CRACD: variants seen among roughly 807,000 people sequenced by gnomAD.
CRACD encodes capping protein inhibiting regulator of actin dynamics.
CRACD carries 56 observed loss-of-function variants against 106.8 expected under a neutral mutation model. The observed-to-expected ratio is 0.52, with a 90% CI of 0.42 to 0.66. CRACD has a LOEUF of 0.66. Among genes scored for constraint, CRACD ranks in the 30% least tolerant of loss-of-function variants. The probability of loss-of-function intolerance (pLI) is 0.00; values close to 1 mark genes in which losing one functional copy is unlikely to be tolerated. For synonymous variants in CRACD, 754 were observed against 670.8 expected (o/e 1.12, Z -1.92); for missense variants, 1,730 against 1,623.2 (o/e 1.07, Z -1.13).
chr4:56,166,965 C>T (rs1437201047), intron 1 of CRACD, among the ~76,000 whole-genome samples: 1 of 152,132 alleles, frequency 6.6e-6, no homozygotes, highest in Non-Finnish European at 1.5e-5. Context: ...CTGAAATCTG[C>T]TCATCTGACA....
At chr4:56,119,679 A>G (rs1734418619) in intron 1 of CRACD, among the ~76,000 whole-genome samples, 1 of 152,048 alleles carries the variant, frequency 6.6e-6, no homozygotes, top group Non-Finnish European at 1.5e-5. Flanking sequence ...TAGTTTTACA[A>G]TTTTAATCCT....
At chr4:56,229,791 G>A (rs1396604531) in intron 2 of CRACD, among the ~76,000 whole-genome samples, 1 of 152,172 alleles carries the variant, frequency 6.6e-6, no homozygotes, top group African/African-American at 2.4e-5. Context: ...CCAGGGATAA[G>A]GTGTATAGCA....
chr4:56,067,169 A>G (rs552321237), intron 1 of CRACD, among the ~76,000 whole-genome samples: 42 of 152,226 alleles, frequency 2.8e-4, no homozygotes, highest in South Asian at 8.3e-4. Flanking sequence ...AATATTAGGA[A>G]TAGAAAATGG....
Position 56,314,963 on chromosome 4 carries a change from C to CA in CRACD, c.1462dup (p.Thr488AsnfsTer27). The CA allele has an allele frequency of 6.3e-7, 1 of 1,589,720 alleles. No individual in the cohort carries two copies. The highest frequency in any genetic ancestry group is 8.6e-7 in the Non-Finnish European group (1 of 1,169,530). On this transcript the variant is annotated frameshift_variant, in exon 8 of 11. Coordinates refer to ENST00000682029, the MANE Select transcript of CRACD (RefSeq NM_001393381.1). LOFTEE classifies it high-confidence loss of function. This position sits in a 1 kb window ranked among gnomAD's most constrained non-coding sequence, Gnocchi z 4.4. ...CCGAGGAAAAGAGAGAAGAAGGGGA[C>CA]ACGGAGCCTCTCCTGAAACAAGAGG...
At chr4:56,188,684 T>TCACACA (rs755350704) in intron 2 of CRACD, among the ~76,000 whole-genome samples, 22 of 99,888 alleles carry the variant, frequency 2.2e-4, no homozygotes, top group African/African-American at 4.5e-4. Flanking sequence ...TCTCTCTCTC[T>TCACACA]CTCACACACA....
At chr4:56,070,804 A>T (rs1416257500) in intron 1 of CRACD, among the ~76,000 whole-genome samples, 1 of 143,370 alleles carries the variant, frequency 7.0e-6, no homozygotes, top group Non-Finnish European at 1.5e-5. Flanking sequence ...GTGTTGCAGA[A>T]GGAGTCTGTT....
intron 2 of CRACD, among the ~76,000 whole-genome samples, chr4:56,252,114 G>A (rs1005184320): frequency 6.6e-6 from 1 of 152,116 alleles, no homozygotes; most frequent in Non-Finnish European, 1.5e-5. Flanking sequence ...CCACTAAATT[G>A]ATTGCAAGGT....
intron 1 of CRACD, among the ~76,000 whole-genome samples, chr4:56,072,224 GC>G (rs150146157): frequency 0.035 from 5,271 of 151,620 alleles, 308 homozygotes; most frequent in African/African-American, 0.12. Context: ...GATAAATTAT[GC>G]TTCTGTTTAT....
intron 1 of CRACD, among the ~76,000 whole-genome samples, chr4:56,079,523 G>C (rs1048521894): frequency 2.7e-5 from 4 of 150,736 alleles, no homozygotes; most frequent in African/African-American, 9.8e-5. Context: ...TTGGCTCACT[G>C]TAAGCTCTGC....
intron 3 of CRACD, among the ~76,000 whole-genome samples, chr4:56,275,646 C>G (rs1379449461): frequency 3.3e-5 from 5 of 152,116 alleles, no homozygotes; most frequent in African/African-American, 1.2e-4. Context: ...TTCAGAAATT[C>G]TTATTTTTAG....
chr4:56,270,227 T>C (rs139225017), intron 2 of CRACD, among the ~76,000 whole-genome samples: 146 of 152,180 alleles, frequency 9.6e-4, no homozygotes, highest in African/African-American at 3.4e-3. Flanking sequence ...TTTTTCTTTT[T>C]TTTTTTTATT....
chr4:56,161,507 A>G (rs933492613), intron 1 of CRACD, among the ~76,000 whole-genome samples: 1 of 151,994 alleles, frequency 6.6e-6, no homozygotes, highest in Non-Finnish European at 1.5e-5. Flanking sequence ...GCTGGAGTGC[A>G]GTGGCACAAT....
intron 3 of CRACD, among the ~76,000 whole-genome samples, chr4:56,276,365 G>C (rs377079784): frequency 2.6e-5 from 4 of 152,070 alleles, no homozygotes; most frequent in South Asian, 4.2e-4. Context: ...TTTACTATGC[G>C]AATGTGTCCT....
intron 2 of CRACD, among the ~76,000 whole-genome samples, chr4:56,242,417 C>T (rs1305554298): frequency 1.3e-5 from 2 of 152,106 alleles, no homozygotes; most frequent in Admixed American, 1.3e-4. Flanking sequence ...ATTTTCACTT[C>T]CTTCTGCTCT....
chr4:56,144,362 G>A (rs544367760), intron 1 of CRACD, among the ~76,000 whole-genome samples: 3 of 152,258 alleles, frequency 2.0e-5, no homozygotes, highest in Non-Finnish European at 4.4e-5. Context: ...CTCTGTTAAT[G>A]GAATCTCACT....
At chr4:56,319,781 G>T (rs970847803) in intron 8 of CRACD, among the ~76,000 whole-genome samples, 1 of 152,158 alleles carries the variant, frequency 6.6e-6, no homozygotes, top group Non-Finnish European at 1.5e-5. Flanking sequence ...TGCCAAGGCT[G>T]GGGCCAGTGA....
chr4:56,214,978 C>A (rs1295339446), intron 2 of CRACD, among the ~76,000 whole-genome samples: 1 of 151,882 alleles, frequency 6.6e-6, no homozygotes, highest in Non-Finnish European at 1.5e-5. Context: ...CCAGCCTGGG[C>A]AACAGTGCAA....
At chr4:56,208,207 T>G (rs1738224363) in intron 2 of CRACD, among the ~76,000 whole-genome samples, 1 of 152,134 alleles carries the variant, frequency 6.6e-6, no homozygotes, top group Non-Finnish European at 1.5e-5. Flanking sequence ...TAACTTTACC[T>G]TAAGGTCTCC....
intron 2 of CRACD, among the ~76,000 whole-genome samples, chr4:56,198,767 C>T (rs972329704): frequency 6.6e-6 from 1 of 151,962 alleles, no homozygotes; most frequent in Non-Finnish European, 1.5e-5. Context: ...AATTTGTGCT[C>T]TTAAAGTTGA....
Sources: gnomAD v4.1 joint callset for allele counts (sites outside exome capture counted in the v4.1 genomes callset) on GRCh38, gnomAD v4.1.1 for gene constraint, Gnocchi (gnomAD v3.1) non-coding constraint, MANE v1.5 for transcripts, NCBI Gene and HGNC (gene_info 2026-07-23, HGNC 2026-07-21) for gene names.